Variants in MICU1 observed in about 807,000 individuals in gnomAD.
MICU1 encodes the protein calcium uptake protein 1, mitochondrial.
MICU1 carries 45 observed loss-of-function variants against 56.8 expected under a neutral mutation model. The observed-to-expected ratio is 0.79, with a 90% CI of 0.62 to 1.02. The LOEUF (loss-of-function observed/expected upper bound fraction) is 1.02. Ranked by LOEUF, MICU1 falls within the 50% of genes least tolerant of loss-of-function variation. The pLI is 0.00. For synonymous variants in MICU1, 186 were observed against 195.1 expected (o/e 0.95, Z 0.39); for missense variants, 504 against 587.1 (o/e 0.86, Z 1.46).
chr10:72,451,445 C>T (rs574519263), intron 8 of MICU1, among the ~76,000 whole-genome samples: 4 of 152,350 alleles, frequency 2.6e-5, no homozygotes, highest in African/African-American at 9.6e-5. Context: ...ATTAAAGAAG[C>T]TGTTCCCAAA....
At chr10:72,470,711 G>C (rs971061950) in intron 8 of MICU1, among the ~76,000 whole-genome samples, 2 of 152,082 alleles carry the variant, frequency 1.3e-5, no homozygotes, top group Non-Finnish European at 2.9e-5. Context: ...CTTTGATCGG[G>C]GGGGGTGAGG....
intron 5 of MICU1, among the ~76,000 whole-genome samples, chr10:72,529,034 A>T (rs1839401122): frequency 6.6e-6 from 1 of 152,204 alleles, no homozygotes; most frequent in Admixed American, 6.5e-5. Flanking sequence ...TAAACACTAT[A>T]ATCAATACTT....
chr10:72,511,026 A>G (rs1867431498), intron 5 of MICU1, among the ~76,000 whole-genome samples: 1 of 152,178 alleles, frequency 6.6e-6, no homozygotes, highest in Non-Finnish European at 1.5e-5. Flanking sequence ...ACAATCATAA[A>G]CTGCATTTAG....
At chr10:72,390,819 A>C (rs1863043728) in intron 10 of MICU1, among the ~76,000 whole-genome samples, 1 of 152,218 alleles carries the variant, frequency 6.6e-6, no homozygotes, top group African/African-American at 2.4e-5. Flanking sequence ...TCTAATTAGC[A>C]CTTATCACAC....
intron 6 of MICU1, chr10:72,501,887 A>C (rs1867079126): frequency 6.6e-6 from 1 of 152,238 alleles, no homozygotes; most frequent in South Asian, 2.1e-4. Context: ...TTAAATAAGA[A>C]GAATTAACTC....
intron 8 of MICU1, among the ~76,000 whole-genome samples, chr10:72,441,411 G>C (rs920060369): frequency 6.6e-6 from 1 of 151,402 alleles, no homozygotes; most frequent in Non-Finnish European, 1.5e-5. Context: ...GTTGGGGGGT[G>C]GGGGGCTGGG....
intron 5 of MICU1, among the ~76,000 whole-genome samples, chr10:72,514,252 T>C (rs1228796715): frequency 6.6e-6 from 1 of 152,214 alleles, no homozygotes; most frequent in Non-Finnish European, 1.5e-5. Context: ...ATCATCCTTT[T>C]AGCTACTTAA....
chr10:72,502,077 C>T (rs1164515756), intron 6 of MICU1, among the ~76,000 whole-genome samples: 1 of 151,442 alleles, frequency 6.6e-6, no homozygotes, highest in Non-Finnish European at 1.5e-5. Context: ...CATTAGAGCA[C>T]AGTGTTCATA....
rs772107973 is a variant in MICU1, at chr10:72,408,060, G to T, written c.1072-23C>A. On this transcript the variant is annotated intron_variant, in intron 9 of 11. Transcript: ENST00000361114. ...ACCCTGCAAGAGGAGAGACAGCAAG[G>T]TAAGGCAGGACCTGTAACAAAAAGC... is the stretch of plus-strand genomic sequence containing the variant. The T allele has an allele frequency of 8.5e-6, 13 of 1,534,298 alleles. No individual in the cohort carries two copies. In the South Asian group the frequency reaches 1.5e-4, roughly 17 times the overall value.
intron 4 of MICU1, among the ~76,000 whole-genome samples, chr10:72,547,185 G>A (rs1022019606): frequency 9.2e-5 from 14 of 151,796 alleles, no homozygotes; most frequent in African/African-American, 2.7e-4. Context: ...GAGCCACCAC[G>A]CCCGGCCTCT....
At chr10:72,398,994 A>C (rs1482473444) in intron 10 of MICU1, among the ~76,000 whole-genome samples, 1 of 152,248 alleles carries the variant, frequency 6.6e-6, no homozygotes, top group African/African-American at 2.4e-5. Flanking sequence ...CAACAAAAAA[A>C]GAGAATTTTA....
rs150955275 is a variant in MICU1, at chr10:72,621,888, T to C, written c.-2+4122A>G. On this transcript the variant is annotated intron_variant, in intron 1 of 11. Transcript: ENST00000361114. Reference sequence around the variant, plus strand: ...TAAACTGTAAATACAATTTTTTATATTGCAAAAGGAAACCAAGTTCTCTTA... The same window carrying C: ...TAAACTGTAAATACAATTTTTTATACTGCAAAAGGAAACCAAGTTCTCTTA... Among the ~76,000 whole-genome samples the C allele has an allele frequency of 1.7e-3, 261 of 152,230 alleles. 1 individual carries two copies. The highest frequency in any genetic ancestry group is 6.1e-3 in the African/African-American group (252 of 41,534).
At chr10:72,624,053 T>A (rs1842172998) in intron 1 of MICU1, among the ~76,000 whole-genome samples, 1 of 152,106 alleles carries the variant, frequency 6.6e-6, no homozygotes, top group African/African-American at 2.4e-5. Flanking sequence ...GTGGCAAAAT[T>A]GGGTTTAAAA....
intron 3 of MICU1, among the ~76,000 whole-genome samples, chr10:72,559,066 T>C (rs909949466): frequency 6.6e-6 from 1 of 152,124 alleles, no homozygotes. Flanking sequence ...CACACACCTG[T>C]AGTCCTCTCT....
chr10:72,564,436 A>G (rs1380517856), intron 2 of MICU1, among the ~76,000 whole-genome samples: 1 of 150,998 alleles, frequency 6.6e-6, no homozygotes, highest in African/African-American at 2.4e-5. Flanking sequence ...CTACTTGAGA[A>G]GCTGAGGCAG....
chr10:72,533,781 G>T lies in MICU1; in HGVS notation c.502C>A (p.Leu168Met). 1 of 1,594,892 alleles carries T rather than the reference G, an allele frequency of 6.3e-7. No homozygotes were observed. Among genetic ancestry groups the T allele is most frequent in the South Asian group, 1.1e-5 (1 of 87,548 alleles). Residue 168 changes from leucine to methionine, a missense_variant, in exon 5 of 12, where the codon CTG becomes ATG. Leu to Met is a conservative substitution (Grantham distance 15). Coordinates refer to ENST00000361114, the MANE Select transcript of MICU1 (RefSeq NM_001195518.2). ...PNEKQPEHLG[L>M]DQYIIKRFDG... ...AAGCGTTTTATTATATATTGATCCA[G>T]ACCCAAGTCTGTAAAAGAAAAGGAA... is the stretch of plus-strand genomic sequence containing the variant.
chr10:72,573,315 A>C, intron 1 of MICU1, among the ~76,000 whole-genome samples: 1 of 148,574 alleles, frequency 6.7e-6, no homozygotes, highest in African/African-American at 2.4e-5. Flanking sequence ...TACAAAAAAA[A>C]AAAAAAAAAA....
intron 8 of MICU1, among the ~76,000 whole-genome samples, chr10:72,453,690 G>A (rs1252270907): frequency 2.0e-5 from 3 of 147,386 alleles, no homozygotes; most frequent in South Asian, 4.4e-4. Flanking sequence ...CCACCACGCC[G>A]GGCTAATTTT....
At chr10:72,479,823 G>A (rs1010930259) in intron 6 of MICU1, among the ~76,000 whole-genome samples, 2 of 152,130 alleles carry the variant, frequency 1.3e-5, no homozygotes, top group South Asian at 2.1e-4. Flanking sequence ...CACAGCACCC[G>A]GCTGGTTTGT....
Sources: allele counts gnomAD v4.1 joint callset (sites outside exome capture counted in the v4.1 genomes callset), GRCh38; gene constraint gnomAD v4.1.1; transcripts MANE v1.5; gene names NCBI Gene and HGNC (gene_info 2026-07-23, HGNC 2026-07-21).